Variants in SPAG16 observed in about 807,000 individuals in gnomAD.
The protein encoded by SPAG16 is sperm-associated antigen 16 protein.
A neutral mutation model predicts 80.4 loss-of-function variants in SPAG16; 86 were observed. That is an observed-to-expected ratio of 1.07 (90% CI 0.90 to 1.28). The LOEUF (loss-of-function observed/expected upper bound fraction) is 1.28. Ranked by LOEUF, SPAG16 falls within the 50% of genes most tolerant of loss-of-function variation. The pLI, the probability that SPAG16 is intolerant of heterozygous loss-of-function variation, is 0.00. For synonymous variants in SPAG16, 294 were observed against 265.9 expected, an observed-to-expected ratio of 1.11 and a Z score of -1.03; for missense variants, 870 against 765.3, an observed-to-expected ratio of 1.14 and a Z score of -1.61.
intron 9 of SPAG16, among the ~76,000 whole-genome samples, chr2:213,451,629 C>G (rs1559146358): frequency 6.6e-6 from 1 of 152,142 alleles, no homozygotes; most frequent in Non-Finnish European, 1.5e-5. Context: ...AAGAACAGCT[C>G]TCTGTCACAG....
intron 10 of SPAG16, among the ~76,000 whole-genome samples, chr2:213,805,082 T>C (rs2071684547): frequency 6.6e-6 from 1 of 152,090 alleles, no homozygotes; most frequent in African/African-American, 2.4e-5. Flanking sequence ...GTCAAAGAGA[T>C]TGTCAAATGT....
intron 15 of SPAG16, among the ~76,000 whole-genome samples, chr2:214,194,600 T>C (rs540687035): frequency 6.6e-6 from 1 of 152,164 alleles, no homozygotes; most frequent in Admixed American, 6.6e-5. Context: ...TATAACACAA[T>C]AGAGGTTTGC....
intron 10 of SPAG16, among the ~76,000 whole-genome samples, chr2:213,573,414 C>G (rs1209674843): frequency 6.6e-6 from 1 of 152,126 alleles, no homozygotes; most frequent in Non-Finnish European, 1.5e-5. Context: ...AAAAAGAAAA[C>G]AAAAATAAAA....
At chr2:213,895,172 A>G (rs2076948512) in intron 11 of SPAG16, among the ~76,000 whole-genome samples, 1 of 151,926 alleles carries the variant, frequency 6.6e-6, no homozygotes, top group Non-Finnish European at 1.5e-5. Context: ...CATTAACAAT[A>G]GCTACAATAA....
At chr2:213,590,721 C>T (rs577787254) in intron 10 of SPAG16, among the ~76,000 whole-genome samples, 1 of 152,230 alleles carries the variant, frequency 6.6e-6, no homozygotes, top group African/African-American at 2.4e-5. Flanking sequence ...ATTAGTTCAG[C>T]CCCTGTGAAA....
intron 15 of SPAG16, among the ~76,000 whole-genome samples, chr2:214,262,063 G>A (rs112434499): frequency 0.016 from 2,411 of 152,070 alleles, 39 homozygotes; most frequent in African/African-American, 0.036. Context: ...ATTTACATTA[G>A]ATATATAATT....
chr2:213,754,933 T>A (rs1028856884), intron 10 of SPAG16, among the ~76,000 whole-genome samples: 3 of 152,190 alleles, frequency 2.0e-5, no homozygotes, highest in South Asian at 4.1e-4. Flanking sequence ...CTGCTGGAGG[T>A]TGCAATCTAA....
chr2:213,997,130 GTTTAATTTTCTTCCTTTGATAGC>G (rs2046560419), intron 12 of SPAG16, among the ~76,000 whole-genome samples: 1 of 152,064 alleles, frequency 6.6e-6, no homozygotes, highest in Non-Finnish European at 1.5e-5. Flanking sequence ...TTCAAGCTAG[GTTTAATTTTCTTCCTTTGATAGC>G]TTCACATAAC....
chr2:213,987,887 CAT>C (rs200095596), intron 12 of SPAG16, among the ~76,000 whole-genome samples: 5,611 of 147,428 alleles, frequency 0.038, 355 homozygotes, highest in African/African-American at 0.13. Flanking sequence ...TAAATATAAA[CAT>C]ATTTGTATAA....
chr2:213,964,699 A>G (rs1474684859), intron 12 of SPAG16, among the ~76,000 whole-genome samples: 2 of 149,382 alleles, frequency 1.3e-5, no homozygotes, highest in Non-Finnish European at 3.0e-5. Flanking sequence ...AGAACTCAAA[A>G]TAGAATAAAA....
chr2:213,927,875 A>C (rs990398545), intron 11 of SPAG16, among the ~76,000 whole-genome samples: 3 of 152,220 alleles, frequency 2.0e-5, no homozygotes, highest in Non-Finnish European at 4.4e-5. Context: ...TTGAGAAAGA[A>C]GCATGCTTAA....
At chr2:213,482,636 T>C (rs1425707944) in intron 9 of SPAG16, among the ~76,000 whole-genome samples, 1 of 152,184 alleles carries the variant, frequency 6.6e-6, no homozygotes, top group Non-Finnish European at 1.5e-5. Flanking sequence ...TATGTTCTTC[T>C]TAGGTAATTA....
At chr2:213,432,873 T>C (rs980666201) in intron 9 of SPAG16, among the ~76,000 whole-genome samples, 2 of 152,086 alleles carry the variant, frequency 1.3e-5, no homozygotes, top group Non-Finnish European at 2.9e-5. Flanking sequence ...GCTAATCATA[T>C]CCAAGAGCAC....
chr2:214,133,853 G>T (rs1429930977), intron 14 of SPAG16, among the ~76,000 whole-genome samples: 1 of 152,094 alleles, frequency 6.6e-6, no homozygotes, highest in Non-Finnish European at 1.5e-5. Flanking sequence ...GTGATTGCCT[G>T]GAGTTTGGAT....
chr2:213,361,789 CCA>C (rs10585217), intron 7 of SPAG16, among the ~76,000 whole-genome samples: 8,538 of 139,990 alleles, frequency 0.061, 307 homozygotes, highest in East Asian at 0.12. Flanking sequence ...ACTGATAATG[CCA>C]CACACACACA....
intron 5 of SPAG16, among the ~76,000 whole-genome samples, chr2:213,333,734 A>G (rs1027520168): frequency 7.2e-5 from 11 of 152,216 alleles, no homozygotes; most frequent in African/African-American, 2.4e-4. Flanking sequence ...CATAAGTGCC[A>G]AGAACATACA....
At chr2:213,475,844 C>T (rs549852631) in intron 9 of SPAG16, among the ~76,000 whole-genome samples, 1 of 152,268 alleles carries the variant, frequency 6.6e-6, no homozygotes, top group African/African-American at 2.4e-5. Context: ...GGGACCTGGC[C>T]TAATAAGATG....
rs140238067 is a variant in SPAG16, at chr2:213,993,467, G to A, written c.1401-20484G>A. ...ACATATTCACAAGTAAACCCCCTAA[G>A]GCATAATTACAATAGCACTGCCTAT... On this transcript the variant is annotated intron_variant, in intron 12 of 15. Transcript: ENST00000331683. Among the ~76,000 whole-genome samples, 62 of 152,158 alleles carry A rather than the reference G, an allele frequency of 4.1e-4. No individual in the cohort carries two copies. The East Asian group carries it at 0.012, about 29-fold the overall frequency.
At chr2:213,781,581 C>T (rs1310651667) in intron 10 of SPAG16, among the ~76,000 whole-genome samples, 1 of 152,100 alleles carries the variant, frequency 6.6e-6, no homozygotes, top group Admixed American at 6.5e-5. Context: ...TTTAGTCCTG[C>T]TCACAACAGT....
Sources: gnomAD v4.1 joint callset for allele counts (sites outside exome capture counted in the v4.1 genomes callset) on GRCh38, gnomAD v4.1.1 for gene constraint, MANE v1.5 for transcripts, NCBI Gene and HGNC (gene_info 2026-07-23, HGNC 2026-07-21) for gene names.